Variants in PCDHGB5 observed in about 807,000 individuals in gnomAD.
PCDHGB5 encodes protocadherin gamma subfamily B, 5, also known as protocadherin gamma-B5.
In PCDHGB5, 48 loss-of-function variants were observed where a neutral mutation model predicts 62.9. That is an observed-to-expected ratio of 0.76 (90% CI 0.61 to 0.97). PCDHGB5 has a LOEUF of 0.97. PCDHGB5 is among the 50% of genes least tolerant of loss of function. The probability of loss-of-function intolerance (pLI) is 0.00; values close to 1 mark genes in which losing one functional copy is unlikely to be tolerated. For synonymous variants in PCDHGB5, 474 were observed against 511.2 expected (o/e 0.93, Z 0.98); for missense variants, 1,118 against 1,198.6 (o/e 0.93, Z 0.99).
chr5:141,439,965 T>C (rs1212358198), intron 1 of PCDHGB5: 1 of 152,760 alleles, frequency 6.5e-6, no homozygotes, highest in Non-Finnish European at 1.5e-5. Flanking sequence ...CGTTATTCAG[T>C]CCTAGAGGAG....
At position 141,487,499 on chromosome 5, in the gene PCDHGB5, G is replaced by C; in HGVS notation, c.2398-7308G>C. 6.2e-7 allele frequency: 1 copy of C among 1,614,152 alleles called. No individual in the cohort carries two copies. The highest frequency in any genetic ancestry group is 1.3e-5 in the African/African-American group (1 of 75,042). ...CCACTCTCATGGCTGTACACCCTTG[G>C]CTTCTGCACCCACTCGGAGTGATAG... On this transcript the variant is annotated intron_variant, in intron 1 of 3. Coordinates refer to ENST00000617380, the MANE Select transcript of PCDHGB5 (RefSeq NM_018925.3). The surrounding 1 kb of genome is among the most constrained non-coding windows in gnomAD (Gnocchi z 5.0).
At chr5:141,423,034 G>A (rs769232324) in intron 1 of PCDHGB5, 1 of 1,614,200 alleles carries the variant, frequency 6.2e-7, no homozygotes, top group Non-Finnish European at 8.5e-7. Context: ...AGGCCAGAAC[G>A]CCTGGCTGTC....
Position 141,477,140 on chromosome 5 carries a change from G to GT in PCDHGB5, c.2398-17665dup. ...AGCACATTGCAAAGTGTTGGTGGAG[G>GT]TTGTGGATGTGAATGACAACGCCCC... On this transcript the variant is annotated intron_variant, in intron 1 of 3. Transcript: ENST00000617380. The surrounding 1 kb of genome is among the most constrained non-coding windows in gnomAD (Gnocchi z 4.9). 1 of 1,614,220 alleles carries GT rather than the reference G, an allele frequency of 6.2e-7. No homozygotes were observed. Among genetic ancestry groups the GT allele is most frequent in the Non-Finnish European group, 8.5e-7 (1 of 1,180,048 alleles).
rs780241180 is a variant in PCDHGB5, at chr5:141,490,819, C to A, written c.2398-3988C>A. On this transcript the variant is annotated intron_variant, in intron 1 of 3. Transcript: ENST00000617380. The surrounding 1 kb of genome is among the most constrained non-coding windows in gnomAD (Gnocchi z 5.4). ...CCAGCGTACCTTTGACTATGAATTGCTGCAGATGCTGCAGATTGTGGTGGG... is the reference window on the plus strand; with the variant it reads ...CCAGCGTACCTTTGACTATGAATTGATGCAGATGCTGCAGATTGTGGTGGG... 3 of 1,613,842 alleles carry A rather than the reference C, an allele frequency of 1.9e-6. No individual in the cohort carries two copies. The highest frequency in any genetic ancestry group is 2.5e-6 in the Non-Finnish European group (3 of 1,179,804).
At chr5:141,404,252 A>G (rs2094504105) in intron 1 of PCDHGB5, 8 of 1,613,986 alleles carry the variant, frequency 5.0e-6, no homozygotes, top group South Asian at 1.1e-5. Context: ...GCCCCTGTCC[A>G]CAGAAATTCA....
At chr5:141,430,991 A>T (rs2097333608) in intron 1 of PCDHGB5, 1 of 1,613,980 alleles carries the variant, frequency 6.2e-7, no homozygotes, top group African/African-American at 1.3e-5. Context: ...TTTCGCCCTG[A>T]ATCCGCGCAG....
rs1399844519 is a variant in PCDHGB5 at position 141,477,484 on chromosome 5, A to G, written c.2398-17323A>G. 1.2e-6 allele frequency: 2 copies of G among 1,614,014 alleles called. No homozygotes were observed. The highest frequency in any genetic ancestry group is 1.7e-6 in the Non-Finnish European group (2 of 1,180,006). ...CCGACATCAATGACAACCCTCCACAATCTTCTCAATCTTCCTACGACGTTT... is the reference window on the plus strand; with the variant it reads ...CCGACATCAATGACAACCCTCCACAGTCTTCTCAATCTTCCTACGACGTTT... On this transcript the variant is annotated intron_variant, in intron 1 of 3. Coordinates refer to ENST00000617380, the MANE Select transcript of PCDHGB5 (RefSeq NM_018925.3). This position sits in a 1 kb window ranked among gnomAD's most constrained non-coding sequence, Gnocchi z 4.9.
chr5:141,403,256 T>G, intron 1 of PCDHGB5: 3 of 1,613,854 alleles, frequency 1.9e-6, no homozygotes, highest in Non-Finnish European at 2.5e-6. Flanking sequence ...GAGCCCGCGG[T>G]GTCTGGTGAA....
intron 1 of PCDHGB5, chr5:141,408,969 C>T (rs1005367761): frequency 3.7e-6 from 6 of 1,613,594 alleles, no homozygotes; most frequent in Non-Finnish European, 5.1e-6. Context: ...GAAAATCTGC[C>T]CCCTGGGTCC....
rs187713374 is a variant in PCDHGB5, at chr5:141,430,744, C to G, written c.2397+30220C>G. 2.5e-4 allele frequency: 380 copies of G among 1,498,404 alleles called. 1 individual carries two copies. In the African/African-American group the frequency reaches 4.6e-3, roughly 18 times the overall value. The allele number at this position is 1,498,404 out of a possible 1,614,324, so 92.8% of individuals were successfully genotyped here. A position where few individuals can be genotyped will look rare whatever the true frequency, so the allele number is the denominator to read the frequency against. ...GTTAAGGGCAGAATTGAAAATAATTCTGGAGGAAGATAAGAATGATTCCTG... is the reference window on the plus strand; with the variant it reads ...GTTAAGGGCAGAATTGAAAATAATTGTGGAGGAAGATAAGAATGATTCCTG... On this transcript the variant is annotated intron_variant, in intron 1 of 3. Coordinates refer to ENST00000617380, the MANE Select transcript of PCDHGB5 (RefSeq NM_018925.3).
rs577323909 is a variant in PCDHGB5 at position 141,419,160 on chromosome 5, C to G, written c.2397+18636C>G. 13 of 1,613,956 alleles carry G rather than the reference C, an allele frequency of 8.1e-6. 1 individual carries two copies. In the South Asian group the frequency reaches 1.4e-4, roughly 18 times the overall value. On this transcript the variant is annotated intron_variant, in intron 1 of 3. Coordinates refer to ENST00000617380, the MANE Select transcript of PCDHGB5 (RefSeq NM_018925.3). ...GACAGGGGCAAGCCTCCGTTATCCT[C>G]CAGCAAAACCATAACCCTGCACATT...
chr5:141,414,624 G>A (rs764233527), intron 1 of PCDHGB5: 5 of 1,613,814 alleles, frequency 3.1e-6, no homozygotes, highest in African/African-American at 2.7e-5. Flanking sequence ...CGCTGGACCC[G>A]GACAGCAAAG....
At chr5:141,481,220 C>T (rs896803040) in intron 1 of PCDHGB5, among the ~76,000 whole-genome samples, 1 of 152,130 alleles carries the variant, frequency 6.6e-6, no homozygotes, top group African/African-American at 2.4e-5. Context: ...GGTAAGGTCT[C>T]CCAGCCTTAA....
intron 1 of PCDHGB5, chr5:141,430,868 G>A (rs1414256124): frequency 6.3e-7 from 1 of 1,597,104 alleles, no homozygotes; most frequent in Admixed American, 1.8e-5. Context: ...TTCAGTTCCG[G>A]AAGAGCTGGA....
Position 141,493,435 on chromosome 5 carries a change from G to T in PCDHGB5, c.2398-1372G>T, listed in dbSNP as rs150678406. On this transcript the variant is annotated intron_variant, in intron 1 of 3. Coordinates refer to ENST00000617380, the MANE Select transcript of PCDHGB5 (RefSeq NM_018925.3). The surrounding 1 kb of genome is among the most constrained non-coding windows in gnomAD (Gnocchi z 4.3). ...TGGGATTTTGCTTCTGCTGGGATGG[G>T]GCAAGGGTGGGGTTCCTTCCCTTTT... Among the ~76,000 whole-genome samples the T allele has an allele frequency of 6.6e-5, 10 of 152,294 alleles. No individual in the cohort carries two copies. In the East Asian group the frequency reaches 1.7e-3, roughly 26 times the overall value.
chr5:141,490,561 A>G lies in PCDHGB5; in HGVS notation c.2398-4246A>G. On this transcript the variant is annotated intron_variant, in intron 1 of 3. Coordinates refer to ENST00000617380, the MANE Select transcript of PCDHGB5 (RefSeq NM_018925.3). This position sits in a 1 kb window ranked among gnomAD's most constrained non-coding sequence, Gnocchi z 5.4. Reference sequence around the variant, plus strand: ...TTCCCTACACAAACATCTCACCATCAGGCTCAACATTTCAGATGTCAATGA... The same window carrying G: ...TTCCCTACACAAACATCTCACCATCGGGCTCAACATTTCAGATGTCAATGA... 6.2e-7 allele frequency: 1 copy of G among 1,614,090 alleles called. No individual in the cohort carries two copies. The highest frequency in any genetic ancestry group is 8.5e-7 in the Non-Finnish European group (1 of 1,180,004).
chr5:141,505,676 C>A (rs1308943385), intron 3 of PCDHGB5, among the ~76,000 whole-genome samples, 195 bp downstream of exon 3: 1 of 152,060 alleles, frequency 6.6e-6, no homozygotes, highest in South Asian at 2.1e-4. Context: ...GGTTGGGGGT[C>A]CTGGGATGCC....
chr5:141,413,639 GT>G, intron 1 of PCDHGB5: 1 of 1,613,854 alleles, frequency 6.2e-7, no homozygotes, highest in South Asian at 1.1e-5. Context: ...GCGGGAATGC[GT>G]TTTCCTCTCC....
chr5:141,500,520 T>A (rs2099801106), intron 2 of PCDHGB5, among the ~76,000 whole-genome samples: 1 of 152,194 alleles, frequency 6.6e-6, no homozygotes, highest in South Asian at 2.1e-4. Context: ...AGCTTCATTT[T>A]AAAAAAATCT....
Sources: gnomAD v4.1 joint callset for allele counts (sites outside exome capture counted in the v4.1 genomes callset) on GRCh38, gnomAD v4.1.1 for gene constraint, Gnocchi (gnomAD v3.1) non-coding constraint, MANE v1.5 for transcripts, NCBI Gene and HGNC (gene_info 2026-07-23, HGNC 2026-07-21) for gene names.